Variants in ACADL observed in about 807,000 individuals in gnomAD.
ACADL encodes long-chain specific acyl-CoA dehydrogenase, mitochondrial.
In ACADL, 60 loss-of-function variants were observed where a neutral mutation model predicts 56.9. The ratio of observed to expected loss-of-function variants is 1.05; its 90% CI spans 0.86 to 1.31. The LOEUF (loss-of-function observed/expected upper bound fraction) is 1.31, where lower values mean the gene tolerates loss of function less well. Among genes scored for constraint, ACADL ranks in the 50% most tolerant of loss-of-function variants. The pLI is 0.00. For missense variants in ACADL, 484 were observed against 525.5 expected (o/e 0.92, Z 0.77); for synonymous variants, 158 against 179.7 (o/e 0.88, Z 0.97).
intron 3 of ACADL, chr2:210,216,777 T>C: frequency 2.4e-6 from 1 of 408,214 alleles, no homozygotes; most frequent in Non-Finnish European, 4.6e-6. Flanking sequence ...CACCTGCAGT[T>C]GTATTCCTCT....
intron 1 of ACADL, among the ~76,000 whole-genome samples, chr2:210,221,390 A>C (rs1689173746): frequency 6.6e-6 from 1 of 152,104 alleles, no homozygotes; most frequent in Admixed American, 6.5e-5. Flanking sequence ...TCCCTCCCAC[A>C]CCAAGCTTCA....
chr2:210,201,939 T>C (rs1210741778), intron 8 of ACADL, among the ~76,000 whole-genome samples: 1 of 152,176 alleles, frequency 6.6e-6, no homozygotes, highest in Non-Finnish European at 1.5e-5. Flanking sequence ...TAAACTCTTA[T>C]CATAAAGCTG....
At chr2:210,207,089 C>T (rs905608040) in intron 5 of ACADL, among the ~76,000 whole-genome samples, 8 of 152,116 alleles carry the variant, frequency 5.3e-5, no homozygotes, top group African/African-American at 1.9e-4. Flanking sequence ...TTTTTCTAAC[C>T]CATCTTAATA....
At chr2:210,202,396 T>G (rs959117514) in intron 8 of ACADL, among the ~76,000 whole-genome samples, 1 of 152,170 alleles carries the variant, frequency 6.6e-6, no homozygotes, top group Admixed American at 6.6e-5. Flanking sequence ...CCTGGCCACG[T>G]TATTTAAAGA....
intron 10 of ACADL, among the ~76,000 whole-genome samples, chr2:210,189,963 T>C (rs183465154): frequency 1.6e-3 from 250 of 152,318 alleles, no homozygotes; most frequent in African/African-American, 5.4e-3. Context: ...AACACTTTCA[T>C]TGGCCAAAGC....
chr2:210,195,758 A>G (rs1217352415), intron 8 of ACADL, among the ~76,000 whole-genome samples: 2 of 152,202 alleles, frequency 1.3e-5, no homozygotes, highest in Non-Finnish European at 2.9e-5. Flanking sequence ...AATGAAATTA[A>G]GTATACAGAT....
At chr2:210,200,296 C>A (rs1161942058) in intron 8 of ACADL, among the ~76,000 whole-genome samples, 1 of 152,060 alleles carries the variant, frequency 6.6e-6, no homozygotes, top group Admixed American at 6.6e-5. Context: ...AGGAAAAAAT[C>A]ATATATGTCA....
At chr2:210,195,144 T>C in intron 9 of ACADL, 67 bp downstream of exon 9, 1 of 1,603,348 alleles carries the variant, frequency 6.2e-7, no homozygotes, top group Non-Finnish European at 8.5e-7. Context: ...AAGGCTGAGC[T>C]TAAAATTGGC....
At chr2:210,222,508 C>CAAAAAAAAAAAAAAA (rs797000679) in intron 1 of ACADL, among the ~76,000 whole-genome samples, 8 of 81,400 alleles carry the variant, frequency 9.8e-5, no homozygotes, top group Admixed American at 2.9e-4. Context: ...AACAAACAAA[C>CAAAAAAAAAAAAAAA]AAAAAAAAAA....
intron 9 of ACADL, among the ~76,000 whole-genome samples, chr2:210,194,134 A>G (rs1156332639): frequency 2.0e-5 from 3 of 152,138 alleles, no homozygotes; most frequent in African/African-American, 7.2e-5. Context: ...AACAAGGTCA[A>G]TGGCTATCCA....
chr2:210,217,977 ACAATAGCTG>A lies in ACADL; in HGVS notation c.350_358del (p.Ala117_Ile119del). ...TCTCCATACTTACTGCTCCTCCCAG[ACAATAGCTG>A]CGGAGTACAGATCCCCTCCAATTCC... On this transcript the variant is annotated inframe_deletion, in exon 3 of 11. Transcript: ENST00000233710. The A allele has an allele frequency of 6.2e-7, 1 of 1,614,080 alleles. No homozygotes were observed. Among genetic ancestry groups the A allele is most frequent in the Non-Finnish European group, 8.5e-7 (1 of 1,179,996 alleles).
At chr2:210,192,186 T>A (rs200394105) in intron 10 of ACADL, among the ~76,000 whole-genome samples, 36 of 150,920 alleles carry the variant, frequency 2.4e-4, no homozygotes, top group Non-Finnish European at 4.6e-4. Context: ...TTTTTGGTTT[T>A]AAAAAAAAAG....
intron 9 of ACADL, among the ~76,000 whole-genome samples, chr2:210,194,477 T>G (rs1387446936): frequency 6.6e-6 from 1 of 152,228 alleles, no homozygotes; most frequent in Non-Finnish European, 1.5e-5. Context: ...TGATTTAGAC[T>G]GTATATTCTA....
intron 5 of ACADL, among the ~76,000 whole-genome samples, chr2:210,208,313 G>T (rs1330171845): frequency 6.6e-6 from 1 of 152,218 alleles, no homozygotes; most frequent in Non-Finnish European, 1.5e-5. Flanking sequence ...GAGTTCTCCA[G>T]AAGTTCTTAT....
intron 9 of ACADL, among the ~76,000 whole-genome samples, chr2:210,193,172 A>G (rs1220956634): frequency 6.6e-6 from 1 of 152,168 alleles, no homozygotes; most frequent in Non-Finnish European, 1.5e-5. Context: ...GATTTTGGCT[A>G]TTTGAGGCTA....
At chr2:210,190,173 A>G (rs938605521) in intron 10 of ACADL, among the ~76,000 whole-genome samples, 2 of 152,172 alleles carry the variant, frequency 1.3e-5, no homozygotes, top group Non-Finnish European at 2.9e-5. Context: ...CTTACAAAGA[A>G]ATGGACACTC....
chr2:210,205,823 T>G, intron 5 of ACADL, 27 bp from the exon 6 acceptor site: 1 of 1,612,538 alleles, frequency 6.2e-7, no homozygotes, highest in Non-Finnish European at 8.5e-7. Flanking sequence ...ACATTATTAA[T>G]GCACCATGAT....
intron 5 of ACADL, among the ~76,000 whole-genome samples, chr2:210,207,784 G>A (rs1390422273): frequency 1.3e-5 from 2 of 152,174 alleles, no homozygotes; most frequent in Non-Finnish European, 2.9e-5. Context: ...AATGAATATA[G>A]TGGTGGCAGT....
intron 9 of ACADL, among the ~76,000 whole-genome samples, chr2:210,194,854 C>T (rs1688682993): frequency 6.6e-6 from 1 of 152,152 alleles, no homozygotes; most frequent in Admixed American, 6.6e-5. Context: ...TATACTGCCA[C>T]TCTTCAGATA....
Sources: gnomAD v4.1 joint callset for allele counts (sites outside exome capture counted in the v4.1 genomes callset) on GRCh38, gnomAD v4.1.1 for gene constraint, MANE v1.5 for transcripts, NCBI Gene and HGNC (gene_info 2026-07-23, HGNC 2026-07-21) for gene names.